Variants in SAMD9 observed in about 807,000 individuals in gnomAD.
SAMD9 encodes sterile alpha motif domain containing 9, also known as sterile alpha motif domain-containing protein 9.
A neutral mutation model predicts 1.5 loss-of-function variants in SAMD9; 3 were observed. The ratio of observed to expected loss-of-function variants is 2.05; its 90% CI spans 0.93 to 5.29. The LOEUF (loss-of-function observed/expected upper bound fraction) is 5.29. Among genes scored for constraint, SAMD9 ranks in the 30% most tolerant of loss-of-function variants. SAMD9 has a pLI of 0.02. For synonymous variants in SAMD9, 635 were observed against 631.9 expected (o/e 1.00, Z -0.07); for missense variants, 1,597 against 1,820.8 (o/e 0.88, Z 2.24).
At position 93,102,977 on chromosome 7, in the gene SAMD9, C is replaced by G; in HGVS notation, c.3121G>C (p.Asp1041His). Residue 1041 changes from aspartate (D) to histidine (H), a missense_variant, in exon 3 of 3, where the codon GAT becomes CAT. Physicochemically the swap from Asp to His is moderately conservative, Grantham distance 81. Around this residue, in one of 6 missense-constraint regions of SAMD9, gnomAD observed 682 missense variants for 810.0 expected, o/e 0.84. Coordinates refer to ENST00000379958, the MANE Select transcript of SAMD9 (RefSeq NM_017654.4). Reference sequence around the variant, plus strand: ...TTTCCTGTTTCACCTTCATGTTCATCGCGGTGTCTTGTGAGTAGGAGTGTG... The same window carrying G: ...TTTCCTGTTTCACCTTCATGTTCATGGCGGTGTCTTGTGAGTAGGAGTGTG... ...MHTLLLTRHR[D>H]EHEGETGNWF... 1 of 1,613,824 alleles carries G rather than the reference C, an allele frequency of 6.2e-7. No homozygotes were observed. Among genetic ancestry groups the G allele is most frequent in the Non-Finnish European group, 8.5e-7 (1 of 1,179,808 alleles).
chr7:93,103,271 C>T lies in SAMD9; in HGVS notation c.2827G>A (p.Gly943Arg), dbSNP rs1442318478. Residue 943 changes from glycine (G) to arginine (R), a missense_variant, in exon 3 of 3, where the codon GGA (glycine) becomes AGA (arginine). Coordinates refer to ENST00000379958, the MANE Select transcript of SAMD9 (RefSeq NM_017654.4). ...CAGAAAGCCTTCTTGTTTCCAATTC[C>T]TAAGAATTTTTCACACTGTGATAGT... ...ISLSQCEKFL[G>R]IGNKKAFWGT... 1 of 1,613,642 alleles carries T rather than the reference C, an allele frequency of 6.2e-7. No homozygotes were observed. The highest frequency in any genetic ancestry group is 8.5e-7 in the Non-Finnish European group (1 of 1,179,742).
Position 93,105,629 on chromosome 7 carries a change from T to C in SAMD9, c.469A>G (p.Ile157Val), listed in dbSNP as rs754859629. 4 of 1,614,172 alleles carry C rather than the reference T, an allele frequency of 2.5e-6. No individual in the cohort carries two copies. Among genetic ancestry groups the C allele is most frequent in the South Asian group, 2.2e-5 (2 of 91,086 alleles). ...IDYTKERQPS[I>V]DLTCVSYPFD... is the part of the protein sequence containing the mutation. ...GGATATGATACACATGTCAGGTCTA[T>C]GGATGGTTGCCTTTCCTTTGTATAA... The change falls in exon 3 of 3, where the codon ATA becomes GTA. Residue 157 changes from isoleucine (I) to valine (V), a missense_variant. By Grantham distance (29) the Ile-to-Val change is conservative. This residue lies in a region of SAMD9 where 498 missense variants were observed against 457.4 expected (regional missense o/e 1.09). Coordinates refer to ENST00000379958, the MANE Select transcript of SAMD9 (RefSeq NM_017654.4).
intron 2 of SAMD9, among the ~76,000 whole-genome samples, chr7:93,113,795 A>G (rs527880433): frequency 5.3e-5 from 8 of 152,272 alleles, no homozygotes; most frequent in African/African-American, 1.9e-4. Flanking sequence ...AAAGTCAGGA[A>G]ACAACAGGTG....
intron 2 of SAMD9, among the ~76,000 whole-genome samples, chr7:93,114,419 GC>G (rs1391194597): frequency 2.6e-5 from 4 of 152,160 alleles, no homozygotes; most frequent in Admixed American, 6.5e-5. Flanking sequence ...TGCACGTTGT[GC>G]ACATGTACCC....
At position 93,102,194 on chromosome 7, in the gene SAMD9, T is replaced by G; in HGVS notation, c.3904A>C (p.Lys1302Gln). 6.2e-7 allele frequency: 1 copy of G among 1,613,736 alleles called. No individual in the cohort carries two copies. Among genetic ancestry groups the G allele is most frequent in the Non-Finnish European group, 8.5e-7 (1 of 1,179,736 alleles). Residue 1302 changes from lysine (K) to glutamine (Q), a missense_variant, in exon 3 of 3, where the codon AAA (lysine) becomes CAA (glutamine). Lys to Gln is a moderately conservative substitution (Grantham distance 53). This residue lies in a region of SAMD9 where 682 missense variants were observed against 810.0 expected (regional missense o/e 0.84). Transcript: ENST00000379958. ...AAGAGACAAAATATATCTACATATT[T>G]CTTAAAATATCCAGCCACCTTTCTC... The part of the protein sequence containing the change: ...TRRKVAGYFK[K>Q]YVDIFCLLEE...
chr7:93,111,347 G>C (rs1215742558), intron 2 of SAMD9, among the ~76,000 whole-genome samples: 1 of 152,202 alleles, frequency 6.6e-6, no homozygotes, highest in African/African-American at 2.4e-5. Context: ...GCCCACAGGA[G>C]ATAGCAGGAA....
Position 93,105,692 on chromosome 7 carries a change from T to G in SAMD9, c.406A>C (p.Lys136Gln). The G allele has an allele frequency of 6.2e-7, 1 of 1,614,152 alleles. No homozygotes were observed. The highest frequency in any genetic ancestry group is 8.5e-7 in the Non-Finnish European group (1 of 1,180,008). The change falls in exon 3 of 3, where the codon AAG becomes CAG. Residue 136 changes from lysine (K) to glutamine (Q), a missense_variant. Lys to Gln is a moderately conservative substitution (Grantham distance 53, BLOSUM62 1). Around this residue, in one of 6 missense-constraint regions of SAMD9, gnomAD observed 498 missense variants for 457.4 expected, o/e 1.09. Coordinates refer to ENST00000379958, the MANE Select transcript of SAMD9 (RefSeq NM_017654.4). ...SAMSTTAKGS[K>Q]SLKVELIEDK... is the part of the protein sequence containing the mutation. ...TCTATGAGCTCAACTTTTAGTGACT[T>G]AGAACCTTTAGCAGTTGTACTCATT...
chr7:93,103,245 C>T lies in SAMD9; in HGVS notation c.2853G>A (p.Trp951Ter). 1.2e-6 allele frequency: 2 copies of T among 1,613,646 alleles called. No homozygotes were observed. Among genetic ancestry groups the T allele is most frequent in the Non-Finnish European group, 1.7e-6 (2 of 1,179,710 alleles). Residue 951 changes from tryptophan to a stop codon, truncating the protein, a stop_gained, in exon 3 of 3, where the codon TGG becomes TGA. Coordinates refer to ENST00000379958, the MANE Select transcript of SAMD9 (RefSeq NM_017654.4). LOFTEE classifies it low-confidence loss of function (END_TRUNC). The stretch of plus-strand genomic sequence containing the variant: ...TCTTGTCTTCAAATTTTTCTGTCCC[C>T]CAGAAAGCCTTCTTGTTTCCAATTC... The part of the protein sequence containing the change: ...FLGIGNKKAF[W>*]GTEKFEDKMG...
rs1052282718 is a variant in SAMD9 at position 93,100,093 on chromosome 7, C to A, written c.*1235G>T. ...CCCTTATAATGTATAGATTCCCCAA[C>A]ATTTTTTTGGTCCTTTGCAATTTCT... On this transcript the variant is annotated 3_prime_UTR_variant, in exon 3 of 3. Coordinates refer to ENST00000379958, the MANE Select transcript of SAMD9 (RefSeq NM_017654.4). 1 of 152,086 alleles carries A rather than the reference C, an allele frequency of 6.6e-6. No individual in the cohort carries two copies. Among genetic ancestry groups the A allele is most frequent in the African/African-American group, 2.4e-5 (1 of 41,412 alleles). 9.4% of individuals were successfully genotyped at this position (152,086 alleles called of 1,614,324 possible). A position where few individuals can be genotyped will look rare whatever the true frequency, so the allele number is the denominator to read the frequency against.
intron 2 of SAMD9, among the ~76,000 whole-genome samples, chr7:93,107,392 G>C (rs1332826161): frequency 6.6e-6 from 1 of 152,060 alleles, no homozygotes; most frequent in Non-Finnish European, 1.5e-5. Context: ...ATAACTTGTG[G>C]CATAATTATT....
chr7:93,110,888 A>G (rs1319355273), intron 2 of SAMD9, among the ~76,000 whole-genome samples: 1 of 152,208 alleles, frequency 6.6e-6, no homozygotes, highest in Non-Finnish European at 1.5e-5. Context: ...TCAACATTAG[A>G]CAGATCCACG....
At chr7:93,117,272 T>G (rs1002893099) in intron 1 of SAMD9, among the ~76,000 whole-genome samples, 1 of 151,888 alleles carries the variant, frequency 6.6e-6, no homozygotes, top group Admixed American at 6.6e-5. Context: ...TTGTTGTTGT[T>G]GTTGTTGTTG....
rs1293862000 is a variant in SAMD9 at position 93,101,174 on chromosome 7, A to G, written c.*154T>C. On this transcript the variant is annotated 3_prime_UTR_variant, in exon 3 of 3. Coordinates refer to ENST00000379958, the MANE Select transcript of SAMD9 (RefSeq NM_017654.4). ...TTTCACTATTGTCTTTGTAGAACTC[A>G]TAACATGTTTAAGAGGAAATTAAAT... The G allele has an allele frequency of 5.7e-6, 4 of 698,632 alleles. No homozygotes were observed. Among genetic ancestry groups the G allele is most frequent in the African/African-American group, 1.8e-5 (1 of 56,174 alleles). The allele number at this position is 698,632 out of a possible 1,614,324, so 43.3% of individuals were successfully genotyped here. A position where few individuals can be genotyped will look rare whatever the true frequency, so the allele number is the denominator to read the frequency against.
chr7:93,111,825 C>T (rs903638642), intron 2 of SAMD9, among the ~76,000 whole-genome samples: 1 of 152,034 alleles, frequency 6.6e-6, no homozygotes. Context: ...AATAGCCTAC[C>T]AACCAAAAAA....
chr7:93,105,580 T>C lies in SAMD9; in HGVS notation c.518A>G (p.Tyr173Cys). Residue 173 changes from tyrosine to cysteine, a missense_variant, in exon 3 of 3, where the codon TAT (tyrosine) becomes TGT (cysteine). Around this residue, in one of 6 missense-constraint regions of SAMD9, gnomAD observed 498 missense variants for 457.4 expected, o/e 1.09. Coordinates refer to ENST00000379958, the MANE Select transcript of SAMD9 (RefSeq NM_017654.4). ...TAGACTAAAATCCAACTTGTAACGA[T>C]ATGGATTACTGAATTCATCAAATGG... ...SYPFDEFSNPYRYKLDFSLQP... is the reference protein window; with the variant it reads ...SYPFDEFSNPCRYKLDFSLQP... 2 of 1,614,154 alleles carry C rather than the reference T, an allele frequency of 1.2e-6. No individual in the cohort carries two copies. The highest frequency in any genetic ancestry group is 1.7e-6 in the Non-Finnish European group (2 of 1,180,018).
intron 2 of SAMD9, 84 bp from the exon 3 acceptor site, chr7:93,106,189 T>C: frequency 2.2e-6 from 2 of 907,350 alleles, no homozygotes; most frequent in Non-Finnish European, 3.1e-6. Flanking sequence ...ATACATAATT[T>C]TCAAAATTTA....
At chr7:93,116,119 C>T (rs66519752) in intron 1 of SAMD9, among the ~76,000 whole-genome samples, 29,765 of 152,062 alleles carry the variant, frequency 0.2, 4,066 homozygotes, top group African/African-American at 0.35. Flanking sequence ...CCCATCTCGC[C>T]GCTTCCCACC....
Position 93,103,827 on chromosome 7 carries a change from T to C in SAMD9, c.2271A>G (p.Lys757=). Residue 757 remains lysine, a synonymous_variant, in exon 3 of 3, where the codon AAA becomes AAG. Coordinates refer to ENST00000379958, the MANE Select transcript of SAMD9 (RefSeq NM_017654.4). The stretch of plus-strand genomic sequence containing the variant: ...TGTTTTTCAGCACAGCACATCTGAA[T>C]TTCTTCCTTAGTTCCCAGAGAATGT... ...AMHILWELRK[K]FRCAVLKNKT... 3 of 1,614,022 alleles carry C rather than the reference T, an allele frequency of 1.9e-6. No individual in the cohort carries two copies. Among genetic ancestry groups the C allele is most frequent in the Non-Finnish European group, 2.5e-6 (3 of 1,179,874 alleles).
chr7:93,106,130 T>G, intron 2 of SAMD9, 25 bp from the exon 3 acceptor site: 1 of 1,466,922 alleles, frequency 6.8e-7, no homozygotes, highest in South Asian at 1.4e-5. Flanking sequence ...AGAAAAATTA[T>G]TTAGTATTAT....
Sources: gnomAD v4.1 joint callset for allele counts (sites outside exome capture counted in the v4.1 genomes callset) on GRCh38, gnomAD v4.1.1 for gene constraint, gnomAD v4.1.1 regional missense constraint, MANE v1.5 for transcripts, NCBI Gene and HGNC (gene_info 2026-07-23, HGNC 2026-07-21) for gene names.